The following CENPI variants were observed in gnomAD, a reference collection of about 807,000 sequenced individuals.
CENPI encodes FSH primary response 1.
A neutral mutation model predicts 60.4 loss-of-function variants in CENPI; 4 were observed. The observed-to-expected ratio is 0.07, with a 90% CI of 0.03 to 0.15. CENPI has a LOEUF of 0.15. CENPI is among the 10% of genes least tolerant of loss of function. CENPI has a pLI of 1.00. For synonymous variants in CENPI, 157 were observed against 189.4 expected (o/e 0.83, Z 1.40); for missense variants, 444 against 534.5 (o/e 0.83, Z 1.67).
chrX:101,111,151 A>T (rs752427254), intron 6 of CENPI, among the ~76,000 whole-genome samples: 1 of 111,128 alleles, frequency 9.0e-6, no homozygotes, highest in Non-Finnish European at 1.9e-5. Flanking sequence ...ATTTTTGGCT[A>T]GAATATGTTG....
chrX:101,145,637 C>A (rs2089955234), intron 17 of CENPI, among the ~76,000 whole-genome samples: 1 of 107,744 alleles, frequency 9.3e-6, no homozygotes, highest in Non-Finnish European at 1.9e-5. Context: ...TAGGTTGGTG[C>A]AAAAGTAATT....
the CENPI span, among the ~76,000 whole-genome samples, chrX:101,180,556 A>G: frequency 8.9e-6 from 1 of 112,226 alleles, no homozygotes. Context: ...GGTTATCTGT[A>G]TACTTTATTC....
the CENPI span, among the ~76,000 whole-genome samples, chrX:101,171,844 T>G: frequency 8.9e-6 from 1 of 111,798 alleles, no homozygotes; most frequent in African/African-American, 3.2e-5. Context: ...AAAAATGAAC[T>G]TTATCATAGT....
At position 101,147,777 on chromosome X, in the gene CENPI, T is replaced by C; in HGVS notation, c.1841T>C (p.Leu614Ser). The C allele has an allele frequency of 8.3e-7, 1 of 1,203,719 alleles. No individual in the cohort carries two copies. Among genetic ancestry groups the C allele is most frequent in the East Asian group, 3.0e-5 (1 of 33,690 alleles). ...TTTTCTGTTAGATATCGTAAAAATTTGACTGCCGCAAAGAAAAATGAGTTG... is the reference window on the plus strand; with the variant it reads ...TTTTCTGTTAGATATCGTAAAAATTCGACTGCCGCAAAGAAAAATGAGTTG... ...CFIMHRYRKN[L>S]TAAKKNELVQ... Residue 614 changes from leucine to serine, a missense_variant, in exon 19 of 22, where the codon TTG becomes TCG. By Grantham distance (145) the Leu-to-Ser change is moderately radical. Coordinates refer to ENST00000682095, the MANE Select transcript of CENPI (RefSeq NM_001386188.2).
Position 101,149,812 on chromosome X carries a change from T to C in CENPI, c.2094+1651T>C, listed in dbSNP as rs2089992570. On this transcript the variant is annotated intron_variant, in intron 20 of 21. Coordinates refer to ENST00000682095, the MANE Select transcript of CENPI (RefSeq NM_001386188.2). ...ATGAGCCACCGCGCCCGGCCAGTGG[T>C]GCTTTTTCAAAGTGTACATCCTTGG... 4.5e-5 allele frequency among the ~76,000 whole-genome samples: 5 copies of C among 110,698 alleles called. No homozygotes were observed. The South Asian group carries it at 1.9e-3, about 43-fold the overall frequency.
At position 101,126,748 on chromosome X, in the gene CENPI, A is replaced by G; in HGVS notation, c.727A>G (p.Lys243Glu). The G allele has an allele frequency of 8.3e-7, 1 of 1,209,572 alleles. No homozygotes were observed. The change falls in exon 9 of 22, where the codon AAG becomes GAG. Residue 243 changes from lysine (K) to glutamate (E), a missense_variant. Transcript: ENST00000682095. Reference protein sequence around the residue: ...PHLQALLSLYKFFAPALISVS... With the variant: ...PHLQALLSLYEFFAPALISVS... ...TCTCCAGGCTTTGTTGTCACTGTAT[A>G]AGTTCTTTGCTCCTGCTCTGATTTC...
At chrX:101,158,199 TCTGTTGA>T (rs1241962784) in intron 20 of CENPI, among the ~76,000 whole-genome samples, 1 of 111,156 alleles carries the variant, frequency 9.0e-6, no homozygotes, top group African/African-American at 3.3e-5. Flanking sequence ...TATCCATTCA[TCTGTTGA>T]TGGATACGTT....
chrX:101,135,399 A>T (rs1160177258), intron 15 of CENPI, among the ~76,000 whole-genome samples: 8 of 111,455 alleles, frequency 7.2e-5, no homozygotes, highest in Non-Finnish European at 1.5e-4. Flanking sequence ...ATGAGAAGAT[A>T]AAAAAATAGA....
Position 101,162,978 on chromosome X carries a change from A to G in CENPI, c.*11A>G, listed in dbSNP as rs200290662. The G allele has an allele frequency of 8.3e-6, 10 of 1,205,892 alleles. No individual in the cohort carries two copies. The highest frequency in any genetic ancestry group is 2.3e-4 in the Middle Eastern group (1 of 4,341). ...AACAATCAATATTAAATGAATGTTG[A>G]CATAAACTGAACACACTGGACTAAA... On this transcript the variant is annotated 3_prime_UTR_variant, in exon 22 of 22. Coordinates refer to ENST00000682095, the MANE Select transcript of CENPI (RefSeq NM_001386188.2).
At chrX:101,152,910 T>C (rs2090020780) in intron 20 of CENPI, among the ~76,000 whole-genome samples, 1 of 109,705 alleles carries the variant, frequency 9.1e-6, no homozygotes. Flanking sequence ...TGGACATATG[T>C]TTTCATTTCT....
intron 6 of CENPI, among the ~76,000 whole-genome samples, chrX:101,112,036 A>G (rs1340652883): frequency 9.0e-6 from 1 of 111,695 alleles, no homozygotes. Context: ...GTCTCAAAAA[A>G]AAAGAATGAC....
At chrX:101,124,899 G>A (rs1333285317) in intron 8 of CENPI, among the ~76,000 whole-genome samples, 1 of 111,664 alleles carries the variant, frequency 9.0e-6, no homozygotes, top group Non-Finnish European at 1.9e-5. Flanking sequence ...GTTCTTTATA[G>A]CAGTGTTAGA....
chrX:101,176,862 C>G, the CENPI span, among the ~76,000 whole-genome samples: 11 of 112,412 alleles, frequency 9.8e-5, no homozygotes, highest in African/African-American at 3.6e-4. Context: ...AGTTTCAGGT[C>G]TTATGTTTCA....
intron 15 of CENPI, among the ~76,000 whole-genome samples, chrX:101,137,372 T>C (rs2089858346): frequency 9.0e-6 from 1 of 111,673 alleles, no homozygotes; most frequent in Middle Eastern, 4.6e-3. Context: ...GCTAATGGGA[T>C]GTTCACTGCA....
At chrX:101,161,841 C>T (rs909597719) in intron 21 of CENPI, among the ~76,000 whole-genome samples, 7 of 111,827 alleles carry the variant, frequency 6.3e-5, no homozygotes, top group African/African-American at 1.9e-4. Context: ...TTGTTACTGG[C>T]GTAACAAAGC....
At chrX:101,144,087 C>CTTTTTTTTTTTT (rs58858609) in intron 16 of CENPI, among the ~76,000 whole-genome samples, 2 of 79,649 alleles carry the variant, frequency 2.5e-5, no homozygotes, top group African/African-American at 5.2e-5. Flanking sequence ...TTTTCTTTTT[C>CTTTTTTTTTTTT]TTTTTTTTTT....
rs1602874663 is a variant in CENPI at position 101,165,942 on chromosome X, G to C, written c.*2975G>C. Among the ~76,000 whole-genome samples, 1 of 111,537 alleles carries C rather than the reference G, an allele frequency of 9.0e-6. No individual in the cohort carries two copies. Among genetic ancestry groups the C allele is most frequent in the East Asian group, 2.8e-4 (1 of 3,554 alleles). On this transcript the variant is annotated 3_prime_UTR_variant, in exon 22 of 22. Coordinates refer to ENST00000682095, the MANE Select transcript of CENPI (RefSeq NM_001386188.2). ...ATTGCTTTTCAGATCATGATATTTTGGTCCTTAAGATCATGTAGAACTTTC... is the reference window on the plus strand; with the variant it reads ...ATTGCTTTTCAGATCATGATATTTTCGTCCTTAAGATCATGTAGAACTTTC...
Position 101,101,301 on chromosome X carries a change from AG to A in CENPI, c.226+7del, listed in dbSNP as rs2089413441. On this transcript the variant is annotated splice_donor_region_variant and intron_variant, in intron 3 of 21. Transcript: ENST00000682095. ...CAGTGGGATATTTTGAGAAAGGTAAAGGTGGATTGTTTTCCTTATGAAACTC... is the reference window on the plus strand; with the variant it reads ...CAGTGGGATATTTTGAGAAAGGTAAAGTGGATTGTTTTCCTTATGAAACTC... The A allele has an allele frequency of 5.3e-6, 6 of 1,122,076 alleles. No individual in the cohort carries two copies. Among genetic ancestry groups the A allele is most frequent in the Non-Finnish European group, 7.3e-6 (6 of 817,901 alleles). The allele number at this position is 1,122,076 out of a possible 1,213,427, so 92.5% of individuals were successfully genotyped here.
rs1359540719 is a variant in CENPI, at chrX:101,148,080, T to C, written c.2013T>C (p.Thr671=). The stretch of plus-strand genomic sequence containing the variant: ...TTGACCCTGAAATCCTAGAAAAAAC[T>C]GGAGTGGCTGAATATAAAAACAGTT... ...IYIDPEILEK[T]GVAEYKNSLN... The change falls in exon 20 of 22, where the codon ACT becomes ACC. Residue 671 remains threonine (T), a synonymous_variant. Coordinates refer to ENST00000682095, the MANE Select transcript of CENPI (RefSeq NM_001386188.2). The C allele has an allele frequency of 1.7e-6, 2 of 1,179,820 alleles. No homozygotes were observed. Among genetic ancestry groups the C allele is most frequent in the East Asian group, 3.0e-5 (1 of 33,620 alleles).
Sources: allele counts gnomAD v4.1 joint callset (sites outside exome capture counted in the v4.1 genomes callset), GRCh38; gene constraint gnomAD v4.1.1; transcripts MANE v1.5; gene names NCBI Gene and HGNC (gene_info 2026-07-23, HGNC 2026-07-21).